Variants in COL6A3 observed in about 807,000 individuals in gnomAD.
COL6A3 encodes collagen alpha-3(VI) chain.
Under a neutral mutation model 274.1 loss-of-function variants are expected in COL6A3, and 137 were observed. The ratio of observed to expected loss-of-function variants is 0.50; its 90% confidence interval spans 0.44 to 0.58. The LOEUF (loss-of-function observed/expected upper bound fraction) is 0.58. Ranked by LOEUF, COL6A3 falls within the 20% of genes least tolerant of loss-of-function variation. COL6A3 has a pLI of 0.00. For missense variants in COL6A3, 3,950 were observed against 4,124.9 expected (o/e 0.96, Z 1.16); for synonymous variants, 1,650 against 1,650.6 (o/e 1.00, Z 0.01).
At chr2:237,337,126 C>G (rs995541518) in intron 39 of COL6A3, among the ~76,000 whole-genome samples, 1 of 152,032 alleles carries the variant, frequency 6.6e-6, no homozygotes, top group Non-Finnish European at 1.5e-5. Flanking sequence ...ACAGACATAA[C>G]AACAAGGACC....
intron 1 of COL6A3, among the ~76,000 whole-genome samples, chr2:237,400,017 T>C (rs1316338075): frequency 6.6e-6 from 1 of 152,234 alleles, no homozygotes; most frequent in African/African-American, 2.4e-5. Context: ...TTTTTTCTTA[T>C]ATTGAGTTTC....
rs2077072633 is a variant in COL6A3, at chr2:237,345,167, C to T, written c.7125+14G>A. 2 of 1,614,072 alleles carry T rather than the reference C, an allele frequency of 1.2e-6. No individual in the cohort carries two copies. Among genetic ancestry groups the T allele is most frequent in the African/African-American group, 1.3e-5 (1 of 74,932 alleles). ...CATGAGGTTAATGAGTCATTCTGGA[C>T]ACATGCAACTTACATCGATGGAGTC... On this transcript the variant is annotated intron_variant, in intron 33 of 43. Coordinates refer to ENST00000295550, the MANE Select transcript of COL6A3 (RefSeq NM_004369.4).
Position 237,372,341 on chromosome 2 carries a change from C to A in COL6A3, c.3680-4G>T, listed in dbSNP as rs376123972. On this transcript the variant is annotated splice_region_variant and splice_polypyrimidine_tract_variant and intron_variant, in intron 8 of 43. Transcript: ENST00000295550. ...ACGTCCCTCTTGCCACCAACACCTGCGAAACAAATGTGAGCATGGCTTCAC... is the reference window on the plus strand; with the variant it reads ...ACGTCCCTCTTGCCACCAACACCTGAGAAACAAATGTGAGCATGGCTTCAC... 1 of 1,603,604 alleles carries A rather than the reference C, an allele frequency of 6.2e-7. No homozygotes were observed. The highest frequency in any genetic ancestry group is 2.2e-5 in the East Asian group (1 of 44,878).
chr2:237,341,070 C>T lies in COL6A3; in HGVS notation c.7846G>A (p.Val2616Met), dbSNP rs779154094. ...AAGATGAAAGCCATGTCGATGTCCA[C>T]ATCGCTCCCTGCCGCTCTCCTGTCC... ...FRDRRAAGSD[V>M]DIDMAFILDS... is the part of the protein sequence containing the mutation. Residue 2616 changes from valine to methionine, a missense_variant, in exon 38 of 44, where the codon GTG becomes ATG. Transcript: ENST00000295550. The T allele has an allele frequency of 6.2e-7, 1 of 1,614,176 alleles. No individual in the cohort carries two copies. Among genetic ancestry groups the T allele is most frequent in the South Asian group, 1.1e-5 (1 of 91,080 alleles).
At chr2:237,338,601 G>A (rs911462185) in intron 39 of COL6A3, among the ~76,000 whole-genome samples, 10 of 150,364 alleles carry the variant, frequency 6.7e-5, no homozygotes, top group African/African-American at 2.4e-4. Context: ...CATCTCTACT[G>A]AAAAAAAAAT....
In COL6A3 at chr2:237,381,082, A is replaced by G. The variant is rs2077991454; in HGVS notation, c.1730T>C (p.Ile577Thr). The change falls in exon 5 of 44, where the codon ATA (isoleucine) becomes ACA (threonine). Residue 577 changes from isoleucine (I) to threonine (T), a missense_variant. Physicochemically the swap from Ile to Thr is moderately conservative, Grantham distance 89 (BLOSUM62 -1). Transcript: ENST00000295550. ...CTTGTTCCCAATGGCAAAGGCCATT[A>G]TGCTGCTTCTCTTCAGCTCCTGGGC... ...QPAQELKRSS[I>T]MAFAIGNKGA... is the part of the protein sequence containing the mutation. 1.2e-6 allele frequency: 2 copies of G among 1,614,140 alleles called. No individual in the cohort carries two copies. Among genetic ancestry groups the G allele is most frequent in the African/African-American group, 1.3e-5 (1 of 74,956 alleles).
Position 237,407,540 on chromosome 2 carries a change from A to G in COL6A3, c.-31+6413T>C, listed in dbSNP as rs548731051. Among the ~76,000 whole-genome samples the G allele has an allele frequency of 9.2e-5, 14 of 152,358 alleles. No homozygotes were observed. Among genetic ancestry groups the G allele is most frequent in the Admixed American group, 9.1e-4 (14 of 15,308 alleles). Reference sequence around the variant, plus strand: ...CTCTGTGAATGAGAGCACCTGTAAGAATATGCCGACCTGCAGCCAGGCTTA... The same window carrying G: ...CTCTGTGAATGAGAGCACCTGTAAGGATATGCCGACCTGCAGCCAGGCTTA... On this transcript the variant is annotated intron_variant, in intron 1 of 43. Coordinates refer to ENST00000295550, the MANE Select transcript of COL6A3 (RefSeq NM_004369.4). This position sits in a 1 kb window ranked among gnomAD's most constrained non-coding sequence, Gnocchi z 4.3.
At position 237,345,203 on chromosome 2, in the gene COL6A3, C is replaced by T. The variant is rs746420745; in HGVS notation, c.7103G>A (p.Gly2368Asp). ...TACATCGATGGAGTCGCCCCTGTTGCCCTTGGGACCCTGTAAAACCAAGGA... is the reference window on the plus strand; with the variant it reads ...TACATCGATGGAGTCGCCCCTGTTGTCCTTGGGACCCTGTAAAACCAAGGA... ...PGYPGPAGPK[G>D]NRGDSIDQCA... The change falls in exon 33 of 44, where the codon GGC becomes GAC. Residue 2368 changes from glycine to aspartate, a missense_variant. Transcript: ENST00000295550. 9.3e-6 allele frequency: 15 copies of T among 1,614,124 alleles called. No individual in the cohort carries two copies. Among genetic ancestry groups the T allele is most frequent in the Non-Finnish European group, 1.0e-5 (12 of 1,180,016 alleles).
At chr2:237,339,206 A>G in intron 38 of COL6A3, 89 bp from the exon 39 acceptor site, 1 of 916,982 alleles carries the variant, frequency 1.1e-6, no homozygotes, top group South Asian at 1.4e-5. Flanking sequence ...AATGAATCAC[A>G]TAACATTTAT....
intron 3 of COL6A3, among the ~76,000 whole-genome samples, chr2:237,392,309 C>T (rs546897181): frequency 1.3e-5 from 2 of 152,354 alleles, no homozygotes; most frequent in African/African-American, 2.4e-5. Flanking sequence ...CTCTCTTCAG[C>T]TCCTGCTTTC....
chr2:237,388,158 G>A lies in COL6A3; in HGVS notation c.736C>T (p.Leu246Phe). ...TAQDSADIIF[L>F]IDGSNNTGSV... The stretch of plus-strand genomic sequence containing the variant: ...CCGGTGTTGTTTGATCCATCAATAA[G>A]GAAAATAATGTCAGCAGAGTCTTGT... Residue 246 changes from leucine (L) to phenylalanine (F), a missense_variant, in exon 4 of 44, where the codon CTT becomes TTT. Physicochemically the swap from Leu to Phe is conservative, Grantham distance 22. Around this residue, in one of 5 missense-constraint regions of COL6A3, gnomAD observed 1,934 missense variants for 1,984.3 expected, o/e 0.97. Coordinates refer to ENST00000295550, the MANE Select transcript of COL6A3 (RefSeq NM_004369.4). 2 of 1,614,096 alleles carry A rather than the reference G, an allele frequency of 1.2e-6. No homozygotes were observed. The highest frequency in any genetic ancestry group is 2.2e-5 in the South Asian group (2 of 91,078).
Position 237,381,371 on chromosome 2 carries a change from G to T in COL6A3, c.1441C>A (p.Leu481Ile). Residue 481 changes from leucine to isoleucine, a missense_variant, in exon 5 of 44, where the codon CTT becomes ATT. This residue lies in a region of COL6A3 where 1,934 missense variants were observed against 1,984.3 expected (regional missense o/e 0.97). Transcript: ENST00000295550. ...VIQRLEIGQD[L>I]IQVAVAQYAD... ...TACTGGGCCACTGCCACCTGGATAA[G>T]ATCCTGTCCGATTTCCAGCCTCTGG... is the stretch of plus-strand genomic sequence containing the variant. 1 of 1,614,210 alleles carries T rather than the reference G, an allele frequency of 6.2e-7. No homozygotes were observed. Among genetic ancestry groups the T allele is most frequent in the Non-Finnish European group, 8.5e-7 (1 of 1,180,042 alleles).
chr2:237,347,444 C>T (rs2077119232), intron 31 of COL6A3, among the ~76,000 whole-genome samples: 1 of 152,250 alleles, frequency 6.6e-6, no homozygotes, highest in Admixed American at 6.5e-5. Flanking sequence ...GTTGCCATGC[C>T]TCATTCACTC....
intron 40 of COL6A3, among the ~76,000 whole-genome samples, chr2:237,335,439 A>G (rs757009368): frequency 1.3e-5 from 2 of 152,222 alleles, no homozygotes; most frequent in African/African-American, 4.8e-5. Flanking sequence ...TACCTTTTGT[A>G]TCTAATTCAG....
rs2077573236 is a variant in COL6A3 at position 237,367,101 on chromosome 2, A to T, written c.5086T>A (p.Phe1696Ile). 2 of 1,614,224 alleles carry T rather than the reference A, an allele frequency of 1.2e-6. No individual in the cohort carries two copies. The highest frequency in any genetic ancestry group is 3.3e-5 in the Admixed American group (2 of 60,032). ...TCAATAATCTGCCTCTTGGTAGAGA[A>T]GTCCTTCAGGAAGAATTCGTCAGTG... ...DPTDEFFLKD[F>I]STKRQIIDAI... The change falls in exon 11 of 44, where the codon TTC (phenylalanine) becomes ATC (isoleucine). Residue 1696 changes from phenylalanine (F) to isoleucine (I), a missense_variant. Transcript: ENST00000295550.
intron 7 of COL6A3, 107 bp downstream of exon 7, chr2:237,376,665 G>A (rs1396036191): frequency 4.4e-6 from 5 of 1,126,222 alleles, no homozygotes; most frequent in Non-Finnish European, 6.8e-6. Context: ...CACCTTTCCT[G>A]TAAACTCAAG....
Position 237,353,356 on chromosome 2 carries a change from C to A in COL6A3, c.6675G>T (p.Gly2225=), listed in dbSNP as rs538533719. The A allele has an allele frequency of 2.6e-5, 42 of 1,614,182 alleles. No individual in the cohort carries two copies. In the South Asian group the frequency reaches 3.6e-4, roughly 14 times the overall value. Reference sequence around the variant, plus strand: ...AAGCACTCACCTGTGCACCTCTGGTCCCCTGCTCTCCCTCAAAGCCCGGCT... The same window carrying A: ...AAGCACTCACCTGTGCACCTCTGGTACCCTGCTCTCCCTCAAAGCCCGGCT... ...PGQPGFEGEQ[G]TRGAQGPAGP... is the part of the protein sequence containing the mutation. Residue 2225 remains glycine, a synonymous_variant, in exon 25 of 44, where the codon GGG becomes GGT. Transcript: ENST00000295550.
At position 237,325,714 on chromosome 2, in the gene COL6A3, C is replaced by T. The variant is rs113422196; in HGVS notation, c.9339G>A (p.Lys3113=). The T allele has an allele frequency of 6.4e-5, 103 of 1,613,602 alleles. No individual in the cohort carries two copies. The African/African-American group carries it at 9.1e-4, about 14-fold the overall frequency. Residue 3113 remains lysine (K), a synonymous_variant, in exon 43 of 44, where the codon AAG becomes AAA. Coordinates refer to ENST00000295550, the MANE Select transcript of COL6A3 (RefSeq NM_004369.4). ...PLALTETDIC[K]LPKDEGTCRD... Reference sequence around the variant, plus strand: ...TGCAAGTTCCTTCGTCTTTCGGCAACTTGCATATATCTTTAATAAAAACAT... The same window carrying T: ...TGCAAGTTCCTTCGTCTTTCGGCAATTTGCATATATCTTTAATAAAAACAT...
rs753538591 is a variant in COL6A3, at chr2:237,378,654, C to A, written c.2479G>T (p.Val827Leu). Residue 827 changes from valine (V) to leucine (L), a missense_variant, in exon 6 of 44, where the codon GTA (valine) becomes TTA (leucine). Physicochemically the swap from Val to Leu is conservative, Grantham distance 32 (BLOSUM62 1). Transcript: ENST00000295550. ...GGTTTACCTGGCTGAGCGAGTGGTACTTCCTCCACACCTCCACTAACATAT... is the reference window on the plus strand; with the variant it reads ...GGTTTACCTGGCTGAGCGAGTGGTAATTCCTCCACACCTCCACTAACATAT... ...TTYVSGGVEE[V>L]PLAQPESKRD... is the part of the protein sequence containing the mutation. 6.2e-7 allele frequency: 1 copy of A among 1,612,768 alleles called. No homozygotes were observed. The highest frequency in any genetic ancestry group is 1.7e-5 in the Admixed American group (1 of 60,034).
Sources: allele counts gnomAD v4.1 joint callset (sites outside exome capture counted in the v4.1 genomes callset), GRCh38; gene constraint gnomAD v4.1.1; regional missense constraint gnomAD v4.1.1; non-coding constraint Gnocchi (gnomAD v3.1); transcripts MANE v1.5; gene names NCBI Gene and HGNC (gene_info 2026-07-23, HGNC 2026-07-21).